KIAA1217: variants seen among roughly 807,000 people sequenced by gnomAD.
KIAA1217 encodes the protein KIAA1217, also known as sickle tail protein homolog.
In KIAA1217, 88 loss-of-function variants were observed where a neutral mutation model predicts 163.9. That is an observed-to-expected ratio of 0.54 (90% CI 0.45 to 0.64). The LOEUF (loss-of-function observed/expected upper bound fraction) is 0.64, where lower values mean the gene tolerates loss of function less well. Ranked by LOEUF, KIAA1217 falls within the 30% of genes least tolerant of loss-of-function variation. The pLI, the probability that KIAA1217 is intolerant of heterozygous loss-of-function variation, is 0.00. For synonymous variants in KIAA1217, 903 were observed against 923.1 expected, an observed-to-expected ratio of 0.98 and a Z score of 0.39; for missense variants, 2,372 against 2,475.0, an observed-to-expected ratio of 0.96 and a Z score of 0.88.
intron 3 of KIAA1217, among the ~76,000 whole-genome samples, chr10:24,400,757 G>A (rs1046690001): frequency 1.3e-5 from 2 of 151,992 alleles, no homozygotes; most frequent in African/African-American, 4.8e-5. Context: ...CACAATCTGA[G>A]GAGAGAAAAC....
intron 1 of KIAA1217, among the ~76,000 whole-genome samples, chr10:23,857,131 C>T (rs954735391): frequency 1.3e-5 from 2 of 152,246 alleles, no homozygotes; most frequent in Non-Finnish European, 2.9e-5. Context: ...TAGACTGGAG[C>T]TGTTCCTATT....
intron 2 of KIAA1217, among the ~76,000 whole-genome samples, chr10:24,038,747 CTTTTTTTTT>C (rs3072773): frequency 3.9e-5 from 3 of 76,308 alleles, no homozygotes; most frequent in Admixed American, 1.6e-4. Context: ...CTGAGAATTG[CTTTTTTTTT>C]TTTTTTTTTT....
intron 1 of KIAA1217, among the ~76,000 whole-genome samples, chr10:23,992,756 A>G (rs1303123035): frequency 6.6e-6 from 1 of 151,602 alleles, no homozygotes; most frequent in Non-Finnish European, 1.5e-5. Context: ...GGCCCCTACA[A>G]ATGCACGAGG....
intron 1 of KIAA1217, among the ~76,000 whole-genome samples, chr10:23,718,538 G>A (rs1312841135): frequency 6.6e-6 from 1 of 151,856 alleles, no homozygotes; most frequent in African/African-American, 2.4e-5. Context: ...TTTAGTTGCT[G>A]ATAAATCCTT....
At chr10:23,805,996 C>CAAAAAAAAAAAAAAAAAAAAA (rs71397917) in intron 1 of KIAA1217, among the ~76,000 whole-genome samples, 3 of 30,502 alleles carry the variant, frequency 9.8e-5, no homozygotes, top group Admixed American at 4.7e-4. Context: ...AACTCCATCT[C>CAAAAAAAAAAAAAAAAAAAAA]AAAAAAAAAA....
chr10:23,983,425 G>A (rs1674005269), intron 1 of KIAA1217, among the ~76,000 whole-genome samples: 1 of 152,130 alleles, frequency 6.6e-6, no homozygotes, highest in African/African-American at 2.4e-5. Flanking sequence ...GAAGCATCAA[G>A]AAATTTACAA....
At chr10:24,079,493 C>T (rs6482361) in intron 2 of KIAA1217, among the ~76,000 whole-genome samples, 4,814 of 152,220 alleles carry the variant, frequency 0.032, 254 homozygotes, top group African/African-American at 0.11. Context: ...ATGCCATCCA[C>T]CCATTAATGG....
At chr10:24,279,235 C>T (rs1590524160) in intron 2 of KIAA1217, among the ~76,000 whole-genome samples, 1 of 139,938 alleles carries the variant, frequency 7.1e-6, no homozygotes, top group Admixed American at 7.1e-5. Flanking sequence ...TTTCTAGTGT[C>T]TGTTTTTTTT....
intron 1 of KIAA1217, among the ~76,000 whole-genome samples, chr10:23,861,936 T>C (rs1015298312): frequency 7.9e-5 from 12 of 152,206 alleles, no homozygotes; most frequent in African/African-American, 2.9e-4. Context: ...TTGTGTTTTT[T>C]AAAGCTGCTA....
chr10:24,360,040 C>CATTTTTTTTTTTTTTTTTTTTTTTTTT (rs55881849), intron 2 of KIAA1217, among the ~76,000 whole-genome samples: 4 of 94,282 alleles, frequency 4.2e-5, no homozygotes, highest in Non-Finnish European at 5.7e-5. Context: ...GATATAATTA[C>CATTTTTTTTTTTTTTTTTTTTTTTTTT]TTTTTTTTTT....
intron 2 of KIAA1217, among the ~76,000 whole-genome samples, chr10:24,281,387 A>G (rs1452606533): frequency 6.6e-6 from 1 of 152,204 alleles, no homozygotes. Flanking sequence ...ATTAGGGTAC[A>G]GTGTGTTTGG....
At chr10:23,723,516 A>G (rs1157517747) in intron 1 of KIAA1217, among the ~76,000 whole-genome samples, 2 of 152,184 alleles carry the variant, frequency 1.3e-5, no homozygotes, top group African/African-American at 4.8e-5. Context: ...TAGTGCATGC[A>G]TCTTGGATCA....
chr10:23,891,716 C>T (rs1841426417), intron 1 of KIAA1217, among the ~76,000 whole-genome samples: 1 of 151,890 alleles, frequency 6.6e-6, no homozygotes, highest in Non-Finnish European at 1.5e-5. Context: ...TTAATTTTCT[C>T]TGATTCATTA....
intron 2 of KIAA1217, among the ~76,000 whole-genome samples, chr10:24,373,589 A>G (rs2052012355): frequency 6.6e-6 from 1 of 152,214 alleles, no homozygotes; most frequent in African/African-American, 2.4e-5. Context: ...AGGACAAGGT[A>G]AATTAACAAT....
At position 24,545,043 on chromosome 10, in the gene KIAA1217, C is replaced by T. The variant is rs369765184; in HGVS notation, c.5274C>T (p.Pro1758=). 5.6e-6 allele frequency: 9 copies of T among 1,614,000 alleles called. No individual in the cohort carries two copies. The Admixed American group carries it at 1.0e-4, about 18-fold the overall frequency. ...TCCCCATGAGTGCCAAGAACAGACC[C>T]GGAACCCTGGACAAACCCGGCAAGC... ...MPVPMSAKNR[P]GTLDKPGKQS... Residue 1758 remains proline (P), a synonymous_variant, in exon 20 of 21, where the codon CCC becomes CCT. Transcript: ENST00000376454.
intron 1 of KIAA1217, among the ~76,000 whole-genome samples, chr10:23,973,643 T>C (rs1447606000): frequency 6.6e-6 from 1 of 152,232 alleles, no homozygotes; most frequent in East Asian, 1.9e-4. Flanking sequence ...TCTTATGTCA[T>C]TGAATATACT....
Position 23,989,258 on chromosome 10 carries a change from A to G in KIAA1217, c.-320-17967A>G, listed in dbSNP as rs144506487. Among the ~76,000 whole-genome samples the G allele has an allele frequency of 3.3e-4, 50 of 152,324 alleles. No homozygotes were observed. The East Asian group carries it at 9.5e-3, about 29-fold the overall frequency. Reference sequence around the variant, plus strand: ...TAGGTACATGGAGGAGGCTTCTATAACAGAAGACAGATGAATAAAAGAAAA... The same window carrying G: ...TAGGTACATGGAGGAGGCTTCTATAGCAGAAGACAGATGAATAAAAGAAAA... On this transcript the variant is annotated intron_variant, in intron 1 of 18. Coordinates refer to the KIAA1217 transcript ENST00000376462.
At chr10:24,397,108 CTTTTTTTTTT>C (rs34660362) in intron 3 of KIAA1217, among the ~76,000 whole-genome samples, 1 of 114,738 alleles carries the variant, frequency 8.7e-6, no homozygotes, top group Non-Finnish European at 1.8e-5. Flanking sequence ...GTAAGAAACT[CTTTTTTTTTT>C]TTTTTTTTTT....
Position 24,524,660 on chromosome 10 carries a change from G to T in KIAA1217, c.2794G>T (p.Ala932Ser). 1 of 1,614,170 alleles carries T rather than the reference G, an allele frequency of 6.2e-7. No homozygotes were observed. Among genetic ancestry groups the T allele is most frequent in the Non-Finnish European group, 8.5e-7 (1 of 1,180,028 alleles). ...EATSTLQMSQ[A>S]PQSPQIPMNG... ...AACCTCCACTCTGCAGATGTCGCAGGCTCCGCAGTCCCCACAGATACCCAT... is the reference window on the plus strand; with the variant it reads ...AACCTCCACTCTGCAGATGTCGCAGTCTCCGCAGTCCCCACAGATACCCAT... The change falls in exon 13 of 21, where the codon GCT (alanine) becomes TCT (serine). Residue 932 changes from alanine (A) to serine (S), a missense_variant. By Grantham distance (99) the Ala-to-Ser change is moderately conservative. This residue lies in a region of KIAA1217 where 1,431 missense variants were observed against 1,470.3 expected (regional missense o/e 0.97). Transcript: ENST00000376454.
Sources: gnomAD v4.1 joint callset for allele counts (sites outside exome capture counted in the v4.1 genomes callset) on GRCh38, gnomAD v4.1.1 for gene constraint, gnomAD v4.1.1 regional missense constraint, MANE v1.5 for transcripts, NCBI Gene and HGNC (gene_info 2026-07-23, HGNC 2026-07-21) for gene names.